Variants in ADGRD1 observed in about 807,000 individuals in gnomAD.
The protein encoded by ADGRD1 is adhesion G protein-coupled receptor D1.
In ADGRD1, 77 loss-of-function variants were observed where a neutral mutation model predicts 113.4. The ratio of observed to expected loss-of-function variants is 0.68; its 90% CI spans 0.57 to 0.82. ADGRD1 has a LOEUF of 0.82. Among genes scored for constraint, ADGRD1 ranks in the 40% least tolerant of loss-of-function variants. The pLI is 0.00. For missense variants in ADGRD1, 1,036 were observed against 1,139.1 expected (o/e 0.91, Z 1.30); for synonymous variants, 474 against 475.0 (o/e 1.00, Z 0.03).
intron 9 of ADGRD1, among the ~76,000 whole-genome samples, chr12:131,002,324 C>T (rs1189040855): frequency 1.3e-5 from 2 of 152,204 alleles, no homozygotes; most frequent in East Asian, 1.9e-4. Context: ...AACTGCATGC[C>T]AGAAACACAG....
At chr12:131,012,602 A>T (rs1483427207) in intron 12 of ADGRD1, among the ~76,000 whole-genome samples, 1 of 152,238 alleles carries the variant, frequency 6.6e-6, no homozygotes, top group East Asian at 1.9e-4. Flanking sequence ...GTAAGGAGAC[A>T]GTGCAGAGGC....
chr12:130,971,413 C>T lies in ADGRD1; in HGVS notation c.188-45C>T. 1 of 1,570,374 alleles carries T rather than the reference C, an allele frequency of 6.4e-7. No individual in the cohort carries two copies. Among genetic ancestry groups the T allele is most frequent in the Non-Finnish European group, 8.7e-7 (1 of 1,149,582 alleles). ...TGACACACATCTTCAGACTTTTAAT[C>T]TCGGAAGGTTATTAACATATGATGT... On this transcript the variant is annotated intron_variant, in intron 3 of 24. Transcript: ENST00000261654. The surrounding 1 kb of genome is among the most constrained non-coding windows in gnomAD (Gnocchi z 4.2).
At chr12:130,964,150 G>A (rs966213035) in intron 2 of ADGRD1, among the ~76,000 whole-genome samples, 3 of 151,336 alleles carry the variant, frequency 2.0e-5, no homozygotes, top group Admixed American at 6.6e-5. Flanking sequence ...AATATAATAC[G>A]TTTAATACCT....
intron 13 of ADGRD1, chr12:131,023,411 A>G (rs1211866631): frequency 6.6e-6 from 1 of 152,052 alleles, no homozygotes; most frequent in Non-Finnish European, 1.5e-5. Context: ...CTCTGTCTCC[A>G]TCCTCCATTC....
chr12:131,043,446 C>T (rs1224390840), intron 13 of ADGRD1, among the ~76,000 whole-genome samples: 2 of 152,358 alleles, frequency 1.3e-5, no homozygotes, highest in South Asian at 2.1e-4. Flanking sequence ...CCAGCAGCCA[C>T]GCTCACTGCC....
intron 8 of ADGRD1, chr12:130,994,136 G>A: frequency 2.9e-6 from 1 of 339,662 alleles, no homozygotes; most frequent in East Asian, 7.8e-5. Flanking sequence ...CAGTGTGGGA[G>A]CGCTTCCGGG....
At chr12:131,095,397 GT>G (rs1646954913) in intron 15 of ADGRD1, among the ~76,000 whole-genome samples, 1 of 152,266 alleles carries the variant, frequency 6.6e-6, no homozygotes, top group Non-Finnish European at 1.5e-5. Context: ...AGAAGCATAT[GT>G]TGCTTCATTT....
intron 9 of ADGRD1, chr12:131,002,976 C>T (rs921662324): frequency 1.1e-5 from 8 of 718,688 alleles, no homozygotes; most frequent in African/African-American, 1.8e-5. Context: ...GATGGGTCCA[C>T]CTGGGCTGTG....
intron 20 of ADGRD1, among the ~76,000 whole-genome samples, chr12:131,124,937 T>C (rs531732829): frequency 2.2e-4 from 33 of 152,330 alleles, no homozygotes; most frequent in Admixed American, 5.9e-4. Context: ...AAATTTATTT[T>C]CTCACAGTTT....
chr12:131,079,023 C>T (rs191941024), intron 14 of ADGRD1, among the ~76,000 whole-genome samples: 150 of 152,234 alleles, frequency 9.9e-4, no homozygotes, highest in South Asian at 3.5e-3. Flanking sequence ...CTCTCACGTC[C>T]GGCTCCTGCA....
chr12:131,001,277 A>G (rs1461353581), intron 9 of ADGRD1, among the ~76,000 whole-genome samples: 2 of 152,226 alleles, frequency 1.3e-5, no homozygotes, highest in Admixed American at 1.3e-4. Flanking sequence ...TTTTTCCTAT[A>G]TTTCTGAAAA....
At chr12:131,072,067 A>G (rs1001562526) in intron 13 of ADGRD1, among the ~76,000 whole-genome samples, 1 of 150,502 alleles carries the variant, frequency 6.6e-6, no homozygotes, top group African/African-American at 2.4e-5. Context: ...AATTCAGAGT[A>G]CTTTCTTTTC....
intron 15 of ADGRD1, among the ~76,000 whole-genome samples, chr12:131,091,354 A>G (rs763042673): frequency 6.6e-6 from 1 of 152,256 alleles, no homozygotes; most frequent in Non-Finnish European, 1.5e-5. Context: ...TAACAGAAGC[A>G]TGAATAAACA....
chr12:130,989,516 C>T (rs1327847580), intron 6 of ADGRD1: 1 of 152,254 alleles, frequency 6.6e-6, no homozygotes, highest in Non-Finnish European at 1.5e-5. Context: ...GTGAGTCTGA[C>T]ACAGCCGAGT....
At chr12:131,054,834 G>C (rs537046995) in intron 13 of ADGRD1, among the ~76,000 whole-genome samples, 2 of 152,284 alleles carry the variant, frequency 1.3e-5, no homozygotes, top group South Asian at 4.1e-4. Flanking sequence ...TATAGAGCTC[G>C]CTTCTGCGCT....
At chr12:131,048,404 T>C (rs1275037731) in intron 13 of ADGRD1, among the ~76,000 whole-genome samples, 4 of 152,046 alleles carry the variant, frequency 2.6e-5, no homozygotes, top group Admixed American at 2.0e-4. Flanking sequence ...CATCCTCGGG[T>C]GTCTTCCTGC....
At chr12:131,132,159 C>T (rs751737959) in intron 21 of ADGRD1, among the ~76,000 whole-genome samples, 36 of 152,202 alleles carry the variant, frequency 2.4e-4, no homozygotes, top group Non-Finnish European at 4.4e-4. Flanking sequence ...CCGCATCTGC[C>T]CTGGCCATCT....
At chr12:130,992,940 T>C (rs2030882) in intron 8 of ADGRD1, among the ~76,000 whole-genome samples, 139,337 of 152,192 alleles carry the variant, frequency 0.92, 64,574 homozygotes, top group East Asian at 1. Flanking sequence ...TCTTCTGTTT[T>C]AGGGCTAGGG....
chr12:131,033,472 G>T (rs1881034049), intron 13 of ADGRD1, among the ~76,000 whole-genome samples: 1 of 152,242 alleles, frequency 6.6e-6, no homozygotes, highest in African/African-American at 2.4e-5. Context: ...GGCATGCAGG[G>T]TTGGGTTCCT....
Sources: gnomAD v4.1 joint callset for allele counts (sites outside exome capture counted in the v4.1 genomes callset) on GRCh38, gnomAD v4.1.1 for gene constraint, Gnocchi (gnomAD v3.1) non-coding constraint, MANE v1.5 for transcripts, NCBI Gene and HGNC (gene_info 2026-07-23, HGNC 2026-07-21) for gene names.